Variants in SLC24A2 observed in about 807,000 individuals in gnomAD.
The protein encoded by SLC24A2 is sodium/potassium/calcium exchanger 2.
SLC24A2 carries 36 observed loss-of-function variants against 62.0 expected under a neutral mutation model. That is an observed-to-expected ratio of 0.58 (90% confidence interval 0.44 to 0.77). The LOEUF is 0.77. SLC24A2 is among the 30% of genes least tolerant of loss of function. The pLI is 0.00. For missense variants in SLC24A2, 846 were observed against 817.9 expected, an observed-to-expected ratio of 1.03 and a Z score of -0.42; for synonymous variants, 358 against 294.0, an observed-to-expected ratio of 1.22 and a Z score of -2.23.
chr9:19,584,644 G>T (rs1301128556), intron 5 of SLC24A2, among the ~76,000 whole-genome samples: 1 of 151,626 alleles, frequency 6.6e-6, no homozygotes, highest in African/African-American at 2.4e-5. Context: ...TTTAATTATT[G>T]TAAGTTTTAG....
At chr9:19,835,084 A>G in the SLC24A2 span, among the ~76,000 whole-genome samples, 1 of 152,204 alleles carries the variant, frequency 6.6e-6, no homozygotes, top group Non-Finnish European at 1.5e-5. Context: ...AGCACTAAAC[A>G]TGGAAAGGAA....
chr9:19,629,701 C>A, intron 2 of SLC24A2, among the ~76,000 whole-genome samples: 1 of 152,292 alleles, frequency 6.6e-6, no homozygotes, highest in Non-Finnish European at 1.5e-5. Flanking sequence ...GTTATCACTG[C>A]GGTCATGAGA....
At chr9:19,911,727 A>G in the SLC24A2 span, among the ~76,000 whole-genome samples, 1 of 152,162 alleles carries the variant, frequency 6.6e-6, no homozygotes, top group Non-Finnish European at 1.5e-5. Context: ...GCTCTATCTT[A>G]GCTTTCCACT....
chr9:20,081,514 G>A, the SLC24A2 span, among the ~76,000 whole-genome samples: 2 of 151,188 alleles, frequency 1.3e-5, no homozygotes, highest in African/African-American at 2.4e-5. Flanking sequence ...AACATTAGGA[G>A]ATATACCTAA....
the SLC24A2 span, among the ~76,000 whole-genome samples, chr9:19,985,663 A>G: frequency 6.6e-5 from 10 of 152,288 alleles, no homozygotes; most frequent in South Asian, 2.1e-3. Context: ...TGGTGGCTAA[A>G]TGATTGTTAT....
chr9:19,650,496 G>A (rs1818768257), intron 2 of SLC24A2, among the ~76,000 whole-genome samples: 1 of 152,162 alleles, frequency 6.6e-6, no homozygotes, highest in African/African-American at 2.4e-5. Context: ...TTGTGAACCA[G>A]CCCTGATAAT....
At chr9:19,717,063 G>A (rs556621000) in intron 2 of SLC24A2, among the ~76,000 whole-genome samples, 1 of 152,306 alleles carries the variant, frequency 6.6e-6, no homozygotes, top group African/African-American at 2.4e-5. Context: ...TCTGGATAAT[G>A]AACTACTGCA....
intron 2 of SLC24A2, among the ~76,000 whole-genome samples, chr9:19,779,834 A>G (rs916537463): frequency 1.3e-5 from 2 of 152,118 alleles, no homozygotes; most frequent in African/African-American, 4.8e-5. Flanking sequence ...CCGAGGTGGG[A>G]GGATCATGAG....
intron 2 of SLC24A2, among the ~76,000 whole-genome samples, chr9:19,687,978 A>G (rs1819933804): frequency 6.6e-6 from 1 of 152,004 alleles, no homozygotes; most frequent in East Asian, 1.9e-4. Context: ...CTTTCCAGTA[A>G]TTTATCTCTC....
the SLC24A2 span, among the ~76,000 whole-genome samples, chr9:20,159,393 A>G: frequency 6.7e-6 from 1 of 149,228 alleles, no homozygotes; most frequent in Admixed American, 6.6e-5. Flanking sequence ...CCATTGTAAC[A>G]TCTAAGATTT....
At chr9:19,813,437 C>G in the SLC24A2 span, among the ~76,000 whole-genome samples, 3 of 150,350 alleles carry the variant, frequency 2.0e-5, no homozygotes, top group Admixed American at 2.0e-4. Context: ...ATTCTTGTGC[C>G]TCCCTGAGTA....
In SLC24A2 at chr9:19,516,070, C is replaced by T; in HGVS notation, c.*83G>A. 6.4e-7 allele frequency: 1 copy of T among 1,567,228 alleles called. No individual in the cohort carries two copies. The highest frequency in any genetic ancestry group is 8.8e-7 in the Non-Finnish European group (1 of 1,138,454). ...GCACCCAGGGCTGTGTGCCAGCTGC[C>T]TCTTCTCAAGAGGTCAAGGAGCCCA... On this transcript the variant is annotated 3_prime_UTR_variant, in exon 11 of 11. Transcript: ENST00000341998.
At chr9:20,180,191 T>C in the SLC24A2 span, among the ~76,000 whole-genome samples, 6 of 152,226 alleles carry the variant, frequency 3.9e-5, no homozygotes, top group Non-Finnish European at 7.3e-5. Context: ...AACTCCTCTA[T>C]GATTTCTTTT....
At chr9:19,964,425 C>A in the SLC24A2 span, among the ~76,000 whole-genome samples, 1 of 151,988 alleles carries the variant, frequency 6.6e-6, no homozygotes, top group African/African-American at 2.4e-5. Flanking sequence ...ATACAGTGGG[C>A]AGACCATTAC....
chr9:20,113,663 T>C, the SLC24A2 span, among the ~76,000 whole-genome samples: 14 of 152,212 alleles, frequency 9.2e-5, no homozygotes, highest in African/African-American at 3.4e-4. Flanking sequence ...TTTTTTTCTC[T>C]GAACACGTTG....
intron 4 of SLC24A2, among the ~76,000 whole-genome samples, chr9:19,600,194 G>C (rs1055562977): frequency 6.6e-6 from 1 of 152,186 alleles, no homozygotes; most frequent in African/African-American, 2.4e-5. Flanking sequence ...TGTGGTCGGT[G>C]TTTGAGATGA....
chr9:19,960,660 T>A, the SLC24A2 span, among the ~76,000 whole-genome samples: 1 of 152,198 alleles, frequency 6.6e-6, no homozygotes, highest in Non-Finnish European at 1.5e-5. Flanking sequence ...GTCCCACAGA[T>A]GTATGGTGAC....
At chr9:19,958,875 A>G in the SLC24A2 span, among the ~76,000 whole-genome samples, 1 of 152,220 alleles carries the variant, frequency 6.6e-6, no homozygotes, top group Non-Finnish European at 1.5e-5. Context: ...TTTTATATTC[A>G]ATTAAATCCA....
the SLC24A2 span, among the ~76,000 whole-genome samples, chr9:20,199,039 G>C: frequency 6.6e-6 from 1 of 152,174 alleles, no homozygotes; most frequent in African/African-American, 2.4e-5. Flanking sequence ...AGGTAGACTA[G>C]GTAGGGGACA....
Sources: allele counts gnomAD v4.1 joint callset (sites outside exome capture counted in the v4.1 genomes callset), GRCh38; gene constraint gnomAD v4.1.1; transcripts MANE v1.5; gene names NCBI Gene and HGNC (gene_info 2026-07-23, HGNC 2026-07-21).